Variants in SMG6 observed in about 807,000 individuals in gnomAD.
SMG6 encodes telomerase-binding protein EST1A.
SMG6 carries 66 observed loss-of-function variants against 142.2 expected under a neutral mutation model. The observed-to-expected ratio is 0.46, with a 90% confidence interval of 0.38 to 0.57. The LOEUF is 0.57. Ranked by LOEUF, SMG6 falls within the 20% of genes least tolerant of loss-of-function variation. The pLI is 0.00. For missense variants in SMG6, 1,793 were observed against 1,832.0 expected (o/e 0.98, Z 0.39); for synonymous variants, 779 against 702.4 (o/e 1.11, Z -1.72).
chr17:2,214,516 G>A (rs879715124), intron 10 of SMG6: 1 of 152,220 alleles, frequency 6.6e-6, no homozygotes, highest in Non-Finnish European at 1.5e-5. Context: ...AGCTGGAGAC[G>A]TTACTCACAT....
intron 6 of SMG6, among the ~76,000 whole-genome samples, chr17:2,290,206 T>A (rs1301241170): frequency 6.6e-6 from 1 of 152,122 alleles, no homozygotes; most frequent in Non-Finnish European, 1.5e-5. Context: ...AGACTGACAC[T>A]ACTGAACTTC....
At chr17:2,226,563 T>C (rs1194615764) in intron 10 of SMG6, among the ~76,000 whole-genome samples, 1 of 139,352 alleles carries the variant, frequency 7.2e-6, no homozygotes, top group African/African-American at 2.7e-5. Context: ...CAGGCGACAG[T>C]ACGAGACTCT....
At chr17:2,279,258 G>A (rs1044224262) in intron 8 of SMG6, among the ~76,000 whole-genome samples, 3 of 152,192 alleles carry the variant, frequency 2.0e-5, no homozygotes, top group Non-Finnish European at 4.4e-5. Context: ...CAACAGCCAG[G>A]AGCCAGAAAA....
intron 13 of SMG6, among the ~76,000 whole-genome samples, chr17:2,116,087 T>C (rs1025455429): frequency 6.6e-6 from 1 of 152,182 alleles, no homozygotes; most frequent in Non-Finnish European, 1.5e-5. Context: ...TTATTTATTT[T>C]TGAGACAGGA....
intron 13 of SMG6, among the ~76,000 whole-genome samples, chr17:2,154,050 A>G (rs1431325439): frequency 1.8e-5 from 2 of 111,796 alleles, no homozygotes; most frequent in Non-Finnish European, 3.5e-5. Flanking sequence ...GAACCTGGGG[A>G]TGCATATAGA....
intron 8 of SMG6, among the ~76,000 whole-genome samples, chr17:2,258,416 G>T (rs558852038): frequency 2.0e-4 from 31 of 151,866 alleles, no homozygotes; most frequent in African/African-American, 7.5e-4. Flanking sequence ...AAATTAGCTG[G>T]GTGTTATGGC....
chr17:2,128,275 C>T (rs988193275), intron 13 of SMG6, among the ~76,000 whole-genome samples: 7 of 151,980 alleles, frequency 4.6e-5, no homozygotes, highest in African/African-American at 1.2e-4. Context: ...AGGGAGGGCA[C>T]GAAATGGTAA....
chr17:2,242,379 A>AAAAGAATAAGAAAGAAGCAGGAGTACC (rs2073826090), intron 9 of SMG6, among the ~76,000 whole-genome samples: 1 of 115,792 alleles, frequency 8.6e-6, no homozygotes, highest in African/African-American at 2.9e-5. Flanking sequence ...AAAAAAAAAA[A>AAAAGAATAAGAAAGAAGCAGGAGTACC]ATTAGTCGGG....
chr17:2,081,600 C>A (rs2012668069), intron 15 of SMG6, among the ~76,000 whole-genome samples: 1 of 152,164 alleles, frequency 6.6e-6, no homozygotes, highest in African/African-American at 2.4e-5. Flanking sequence ...GACCGTACCC[C>A]TGCCTTGGAG....
In SMG6 at chr17:2,080,640, CTTTTTTTT is replaced by C. The variant is rs796298262; in HGVS notation, c.3681+1162_3681+1169del. On this transcript the variant is annotated intron_variant, in intron 15 of 18. Coordinates refer to ENST00000263073, the MANE Select transcript of SMG6 (RefSeq NM_017575.5). ...TGCTATTAGCACTTTTTTCTTTTTT[CTTTTTTTT>C]TTTTTGAGATGGAGTCTCACCCTGT... 6.9e-5 allele frequency among the ~76,000 whole-genome samples: 10 copies of C among 144,270 alleles called. No homozygotes were observed. In the Admixed American group the frequency reaches 6.9e-4, roughly 10 times the overall value. 94.6% of individuals were successfully genotyped at this position (144,270 alleles called of 152,430 possible).
intron 10 of SMG6, among the ~76,000 whole-genome samples, chr17:2,219,540 G>T (rs79682102): frequency 6.6e-6 from 1 of 151,904 alleles, no homozygotes; most frequent in African/African-American, 2.4e-5. Context: ...TAATCCCAGC[G>T]CATTTTGAGA....
At chr17:2,260,022 G>A (rs923262690) in intron 8 of SMG6, among the ~76,000 whole-genome samples, 14 of 152,190 alleles carry the variant, frequency 9.2e-5, no homozygotes, top group Admixed American at 2.6e-4. Context: ...GGATTCTGGC[G>A]CATCAACTCC....
chr17:2,270,275 T>C (rs1178598178), intron 8 of SMG6, among the ~76,000 whole-genome samples: 1 of 151,998 alleles, frequency 6.6e-6, no homozygotes, highest in Non-Finnish European at 1.5e-5. Context: ...AGAAGAAAAA[T>C]AATCACATAT....
Position 2,247,831 on chromosome 17 carries a change from C to T in SMG6, c.2662-3112G>A, listed in dbSNP as rs1445384281. ...GATACAGGCCAGGCATGGTGGCTTA[C>T]GCCTGTAGTCCCAGCACTTTTGGAG... On this transcript the variant is annotated intron_variant, in intron 8 of 18. Transcript: ENST00000263073. Among the ~76,000 whole-genome samples the T allele has an allele frequency of 3.9e-5, 6 of 152,110 alleles. No homozygotes were observed. The East Asian group carries it at 7.7e-4, about 20-fold the overall frequency.
chr17:2,143,075 T>A (rs1378311041), intron 13 of SMG6, among the ~76,000 whole-genome samples: 1 of 152,052 alleles, frequency 6.6e-6, no homozygotes, highest in Non-Finnish European at 1.5e-5. Context: ...ATAATAAGTG[T>A]TAGTGAAGAT....
chr17:2,302,005 C>T (rs1462655778), intron 1 of SMG6, among the ~76,000 whole-genome samples: 1 of 152,236 alleles, frequency 6.6e-6, no homozygotes, highest in East Asian at 1.9e-4. Context: ...ATAATCCCAG[C>T]ACTTTGGGAG....
intron 13 of SMG6, among the ~76,000 whole-genome samples, chr17:2,096,968 A>C (rs1428547045): frequency 6.6e-6 from 1 of 152,080 alleles, no homozygotes; most frequent in Non-Finnish European, 1.5e-5. Flanking sequence ...TCACAAAGTG[A>C]ATTCTTTTGT....
chr17:2,168,831 C>T (rs1393205189), intron 13 of SMG6, among the ~76,000 whole-genome samples: 1 of 152,038 alleles, frequency 6.6e-6, no homozygotes, highest in Non-Finnish European at 1.5e-5. Flanking sequence ...TCACTGCAAC[C>T]TCTACCTTCT....
chr17:2,222,457 G>C (rs1045246988), intron 10 of SMG6, among the ~76,000 whole-genome samples: 1 of 148,882 alleles, frequency 6.7e-6, no homozygotes, highest in Non-Finnish European at 1.5e-5. Flanking sequence ...GCTTAGCAGA[G>C]AACTTGCAAG....
Sources: gnomAD v4.1 joint callset for allele counts (sites outside exome capture counted in the v4.1 genomes callset) on GRCh38, gnomAD v4.1.1 for gene constraint, MANE v1.5 for transcripts, NCBI Gene and HGNC (gene_info 2026-07-23, HGNC 2026-07-21) for gene names.